LARP1B: variants seen among roughly 807,000 people sequenced by gnomAD.
LARP1B encodes la-related protein 1B.
Under a neutral mutation model 114.2 loss-of-function variants are expected in LARP1B, and 76 were observed. The ratio of observed to expected loss-of-function variants is 0.67; its 90% CI spans 0.55 to 0.81. LARP1B has a LOEUF of 0.81. LARP1B is among the 30% of genes least tolerant of loss of function. The pLI is 0.00. For missense variants in LARP1B, 1,014 were observed against 1,075.8 expected, an observed-to-expected ratio of 0.94 and a Z score of 0.80; for synonymous variants, 345 against 348.0, an observed-to-expected ratio of 0.99 and a Z score of 0.10.
In LARP1B at chr4:128,160,044, T is replaced by C. The variant is rs367711556; in HGVS notation, c.1525-2150T>C. Among the ~76,000 whole-genome samples the C allele has an allele frequency of 3.3e-5, 5 of 152,362 alleles. No homozygotes were observed. The South Asian group carries it at 8.3e-4, about 25-fold the overall frequency. On this transcript the variant is annotated intron_variant, in intron 11 of 19. Transcript: ENST00000326639. ...AGGATAGAGCAAGGGTAGACAAATATAGTAAATATCTTAGACTTTGTGGGT... is the reference window on the plus strand; with the variant it reads ...AGGATAGAGCAAGGGTAGACAAATACAGTAAATATCTTAGACTTTGTGGGT...
chr4:128,191,201 T>C (rs1159773203), intron 15 of LARP1B, among the ~76,000 whole-genome samples: 1 of 152,190 alleles, frequency 6.6e-6, no homozygotes, highest in African/African-American at 2.4e-5. Flanking sequence ...GCTGAGTGTC[T>C]GTAGAACTGT....
At chr4:128,066,133 C>T (rs889375896) in intron 1 of LARP1B, among the ~76,000 whole-genome samples, 12 of 145,132 alleles carry the variant, frequency 8.3e-5, no homozygotes, top group South Asian at 4.5e-4. Context: ...CCCTGCCTGG[C>T]GGCTTTCTAT....
chr4:128,171,984 G>GT (rs1214302345), intron 12 of LARP1B, among the ~76,000 whole-genome samples: 4 of 151,500 alleles, frequency 2.6e-5, no homozygotes, highest in Admixed American at 6.6e-5. Flanking sequence ...AGTTCTTTGG[G>GT]TTTATCCTGG....
chr4:128,077,735 A>G, intron 3 of LARP1B, 53 bp from the exon 4 acceptor site: 7 of 1,450,970 alleles, frequency 4.8e-6, no homozygotes, highest in Non-Finnish European at 6.4e-6. Context: ...ATTTTTGGGT[A>G]TGTTAGTGAA....
intron 1 of LARP1B, among the ~76,000 whole-genome samples, chr4:128,073,599 T>G (rs866007063): frequency 6.4e-5 from 6 of 94,342 alleles, no homozygotes; most frequent in African/African-American, 2.5e-4. Flanking sequence ...TTTTTTTTTT[T>G]TTTTTTTTTT....
At chr4:128,170,862 T>C (rs1743249173) in intron 12 of LARP1B, among the ~76,000 whole-genome samples, 2 of 144,916 alleles carry the variant, frequency 1.4e-5, no homozygotes, top group Non-Finnish European at 3.0e-5. Flanking sequence ...ATTCATTTTC[T>C]TTTTCTTTTC....
At chr4:128,209,764 A>T (rs71612164) in intron 19 of LARP1B, 92 bp from the exon 20 acceptor site, 1 of 1,007,020 alleles carries the variant, frequency 9.9e-7, no homozygotes, top group South Asian at 1.3e-5. Context: ...GTGTCCATTT[A>T]ACTTACTTTT....
At position 128,207,239 on chromosome 4, in the gene LARP1B, T is replaced by G. The variant is rs969173793; in HGVS notation, c.2420-17T>G. ...AATTTCATATAATTCATAATGTATA[T>G]TATTCTTTGTTATTAGGTCAGCTGT... On this transcript the variant is annotated splice_polypyrimidine_tract_variant and intron_variant, in intron 18 of 19. Transcript: ENST00000326639. The G allele has an allele frequency of 8.2e-7, 1 of 1,218,238 alleles. No homozygotes were observed. Among genetic ancestry groups the G allele is most frequent in the African/African-American group, 1.6e-5 (1 of 63,896 alleles). 75.5% of individuals were successfully genotyped at this position (1,218,238 alleles called of 1,614,324 possible).
rs555506680 is a variant in LARP1B, at chr4:128,067,772, T to C, written c.-78+6371T>C. Among the ~76,000 whole-genome samples, 12 of 151,924 alleles carry C rather than the reference T, an allele frequency of 7.9e-5. No homozygotes were observed. The South Asian group carries it at 2.5e-3, about 32-fold the overall frequency. On this transcript the variant is annotated intron_variant, in intron 1 of 19. Coordinates refer to ENST00000326639, the MANE Select transcript of LARP1B (RefSeq NM_018078.4). ...TCTCGTCGCTCAAGCTGGAGTGCAA[T>C]GGAGCAATCTCATTGCAACCTCCAT...
chr4:128,172,228 T>C (rs1027699140), intron 12 of LARP1B, among the ~76,000 whole-genome samples: 41 of 152,186 alleles, frequency 2.7e-4, no homozygotes, highest in Admixed American at 2.2e-3. Context: ...TCTGGCTGCT[T>C]TTAATGTTTC....
At chr4:128,065,467 G>A (rs778145599) in intron 1 of LARP1B, among the ~76,000 whole-genome samples, 5 of 151,354 alleles carry the variant, frequency 3.3e-5, no homozygotes, top group Non-Finnish European at 5.9e-5. Context: ...GCTTCCCAAA[G>A]TGCAGGGATT....
intron 11 of LARP1B, among the ~76,000 whole-genome samples, chr4:128,137,932 G>A (rs914856615): frequency 2.0e-5 from 3 of 151,862 alleles, no homozygotes; most frequent in African/African-American, 7.3e-5. Context: ...GGGACTACAG[G>A]CATGCACCAC....
chr4:128,065,402 GTC>G lies in LARP1B; in HGVS notation c.-78+4007_-78+4008del, dbSNP rs746947814. 5.5e-4 allele frequency among the ~76,000 whole-genome samples: 63 copies of G among 114,836 alleles called. No individual in the cohort carries two copies. In the Middle Eastern group the frequency reaches 0.031, roughly 57 times the overall value. The allele number at this position is 114,836 out of a possible 152,430, so 75.3% of individuals were successfully genotyped here. On this transcript the variant is annotated intron_variant, in intron 1 of 19. Transcript: ENST00000326639. ...TTTCTTTCTTTTTTCAAGAGATGGA[GTC>G]TCTCTGTGTTTCCCAGGCTGGTCTT...
At chr4:128,094,406 T>C (rs916405442) in intron 7 of LARP1B, among the ~76,000 whole-genome samples, 7 of 148,904 alleles carry the variant, frequency 4.7e-5, no homozygotes, top group East Asian at 1.9e-4. Context: ...TTTTCTTTTT[T>C]TTTTTTTTTT....
chr4:128,135,093 A>C (rs945881753), intron 11 of LARP1B, among the ~76,000 whole-genome samples: 1 of 140,922 alleles, frequency 7.1e-6, no homozygotes, highest in South Asian at 2.3e-4. Context: ...CTGAGACTTC[A>C]TCTCAAAATA....
intron 11 of LARP1B, among the ~76,000 whole-genome samples, chr4:128,153,715 A>G (rs1734033828): frequency 6.6e-6 from 1 of 152,070 alleles, no homozygotes; most frequent in Non-Finnish European, 1.5e-5. Flanking sequence ...TTGGGTTTTT[A>G]TTTATTAACT....
chr4:128,156,012 T>C, intron 11 of LARP1B: 1 of 1,562,412 alleles, frequency 6.4e-7, no homozygotes, highest in Non-Finnish European at 8.7e-7. Context: ...CCCCAGGGCC[T>C]GTGCTTGAAC....
chr4:128,160,855 A>ATT (rs1409123488), intron 11 of LARP1B, among the ~76,000 whole-genome samples: 1 of 152,218 alleles, frequency 6.6e-6, no homozygotes, highest in East Asian at 1.9e-4. Context: ...TAACATTGGG[A>ATT]TTTAATAAAT....
intron 7 of LARP1B, among the ~76,000 whole-genome samples, chr4:128,095,835 C>T (rs971354909): frequency 2.0e-5 from 3 of 152,120 alleles, no homozygotes; most frequent in East Asian, 1.9e-4. Context: ...AAAACTTTCT[C>T]TGTGATTTGG....
Sources: gnomAD v4.1 joint callset for allele counts (sites outside exome capture counted in the v4.1 genomes callset) on GRCh38, gnomAD v4.1.1 for gene constraint, MANE v1.5 for transcripts, NCBI Gene and HGNC (gene_info 2026-07-23, HGNC 2026-07-21) for gene names.